Variants in GPC6 observed in about 807,000 individuals in gnomAD.
GPC6 encodes glypican-6.
GPC6 carries 14 observed loss-of-function variants against 55.2 expected under a neutral mutation model. The observed-to-expected ratio is 0.25, with a 90% CI of 0.17 to 0.40. The LOEUF is 0.40. Among genes scored for constraint, GPC6 ranks in the 10% least tolerant of loss-of-function variants. GPC6 has a pLI of 1.00. For synonymous variants in GPC6, 278 were observed against 259.6 expected (o/e 1.07, Z -0.68); for missense variants, 641 against 708.5 (o/e 0.90, Z 1.08).
At chr13:93,893,181 T>G (rs1875791916) in intron 3 of GPC6, among the ~76,000 whole-genome samples, 1 of 151,804 alleles carries the variant, frequency 6.6e-6, no homozygotes, top group Non-Finnish European at 1.5e-5. Flanking sequence ...TGCCTCAGCC[T>G]TCCGAATAGC....
intron 2 of GPC6, among the ~76,000 whole-genome samples, chr13:93,702,346 C>T (rs139675378): frequency 5.3e-5 from 8 of 151,946 alleles, no homozygotes; most frequent in African/African-American, 4.8e-5. Flanking sequence ...TTCAGTTAAC[C>T]GTGCTCTAAA....
At chr13:93,795,365 A>G (rs1886163532) in intron 2 of GPC6, among the ~76,000 whole-genome samples, 1 of 152,220 alleles carries the variant, frequency 6.6e-6, no homozygotes, top group South Asian at 2.1e-4. Context: ...GGTCTGTTCA[A>G]CAAACATTAT....
intron 7 of GPC6, 129 bp downstream of exon 7, chr13:94,382,679 A>T: frequency 8.2e-7 from 1 of 1,223,192 alleles, no homozygotes; most frequent in Non-Finnish European, 1.2e-6. Flanking sequence ...GTCATCACTT[A>T]GCAACAGCTG....
intron 1 of GPC6, among the ~76,000 whole-genome samples, chr13:93,271,639 G>T (rs1321989460): frequency 6.6e-6 from 1 of 152,110 alleles, no homozygotes; most frequent in Non-Finnish European, 1.5e-5. Flanking sequence ...CAAGTGAGTG[G>T]TTTAAATATT....
At chr13:94,312,479 G>A (rs968771959) in intron 6 of GPC6, among the ~76,000 whole-genome samples, 10 of 152,114 alleles carry the variant, frequency 6.6e-5, no homozygotes, top group African/African-American at 2.2e-4. Flanking sequence ...GAAACTGTTG[G>A]TTATAAGAAA....
At chr13:93,547,268 C>T (rs184759448) in intron 2 of GPC6, among the ~76,000 whole-genome samples, 101 of 152,128 alleles carry the variant, frequency 6.6e-4, no homozygotes, top group African/African-American at 2.2e-3. Context: ...CTCACTTGAA[C>T]CTGGGAGGTG....
intron 2 of GPC6, among the ~76,000 whole-genome samples, chr13:93,746,790 A>G (rs908056810): frequency 2.0e-5 from 3 of 152,074 alleles, no homozygotes; most frequent in Admixed American, 1.3e-4. Flanking sequence ...TTCAAAGCCT[A>G]CTCTTGACAC....
intron 2 of GPC6, among the ~76,000 whole-genome samples, chr13:93,789,035 A>T (rs188391058): frequency 1.3e-5 from 2 of 152,258 alleles, no homozygotes; most frequent in Non-Finnish European, 2.9e-5. Context: ...CACCCATAGC[A>T]TTTCTAGTGG....
chr13:93,474,532 C>G (rs570051678), intron 1 of GPC6, among the ~76,000 whole-genome samples: 3 of 152,084 alleles, frequency 2.0e-5, no homozygotes, highest in African/African-American at 7.2e-5. Flanking sequence ...CACCCAGGGC[C>G]AAGTTTTGGG....
intron 4 of GPC6, among the ~76,000 whole-genome samples, chr13:94,119,770 T>C (rs1444264789): frequency 6.6e-6 from 1 of 152,096 alleles, no homozygotes; most frequent in Non-Finnish European, 1.5e-5. Context: ...AGTATGCTAG[T>C]AAATGTTTAA....
At chr13:93,381,244 A>T (rs568333542) in intron 1 of GPC6, among the ~76,000 whole-genome samples, 4 of 152,218 alleles carry the variant, frequency 2.6e-5, no homozygotes, top group African/African-American at 9.6e-5. Context: ...AGTGTTTATG[A>T]TGTCTTATTT....
chr13:93,641,673 C>A (rs1019941811), intron 2 of GPC6, among the ~76,000 whole-genome samples: 4 of 152,050 alleles, frequency 2.6e-5, no homozygotes, highest in Non-Finnish European at 4.4e-5. Context: ...TGAATCAAGT[C>A]CCATGGGAGT....
chr13:94,198,300 C>G (rs1889644194), intron 4 of GPC6, among the ~76,000 whole-genome samples: 1 of 152,148 alleles, frequency 6.6e-6, no homozygotes, highest in African/African-American at 2.4e-5. Context: ...GATAAAAGCT[C>G]TAATTCAGCC....
intron 3 of GPC6, among the ~76,000 whole-genome samples, chr13:93,874,540 T>TC (rs924972720): frequency 4.0e-5 from 6 of 150,780 alleles, no homozygotes; most frequent in African/African-American, 1.5e-4. Flanking sequence ...TGACACTGTA[T>TC]CCCAGGGCTT....
intron 6 of GPC6, among the ~76,000 whole-genome samples, chr13:94,326,153 G>A (rs1262907600): frequency 2.6e-5 from 4 of 151,510 alleles, no homozygotes; most frequent in African/African-American, 9.7e-5. Flanking sequence ...CACTTTGACT[G>A]TATTTATTTA....
chr13:93,260,289 T>C (rs895772321), intron 1 of GPC6, among the ~76,000 whole-genome samples: 3 of 152,162 alleles, frequency 2.0e-5, no homozygotes, highest in African/African-American at 7.2e-5. Flanking sequence ...TCAGTGTTTT[T>C]AGTTTAAAAT....
chr13:94,007,433 G>A (rs982637374), intron 3 of GPC6, among the ~76,000 whole-genome samples: 10 of 152,272 alleles, frequency 6.6e-5, no homozygotes, highest in African/African-American at 2.4e-4. Context: ...TAGATATTGC[G>A]TGACTAGTGT....
chr13:94,006,559 A>AT (rs1882028624), intron 3 of GPC6, among the ~76,000 whole-genome samples: 1 of 152,198 alleles, frequency 6.6e-6, no homozygotes, highest in Admixed American at 6.5e-5. Flanking sequence ...AGTAAACATT[A>AT]ATAAAGTAAA....
intron 4 of GPC6, among the ~76,000 whole-genome samples, chr13:94,256,090 C>T (rs993675186): frequency 6.6e-5 from 10 of 152,118 alleles, no homozygotes; most frequent in Admixed American, 3.3e-4. Context: ...AAGATAGAGA[C>T]GTGTAGACTT....
Sources: gnomAD v4.1 joint callset for allele counts (sites outside exome capture counted in the v4.1 genomes callset) on GRCh38, gnomAD v4.1.1 for gene constraint, MANE v1.5 for transcripts, NCBI Gene and HGNC (gene_info 2026-07-23, HGNC 2026-07-21) for gene names.